Variants in PLCL2 observed in about 807,000 individuals in gnomAD.
PLCL2 encodes inactive phospholipase C-like protein 2.
Under a neutral mutation model 79.6 loss-of-function variants are expected in PLCL2, and 4 were observed. That is an observed-to-expected ratio of 0.05 (90% confidence interval 0.02 to 0.11). PLCL2 has a LOEUF of 0.11. PLCL2 is among the 10% of genes least tolerant of loss of function. The pLI, the probability that PLCL2 is intolerant of heterozygous loss-of-function variation, is 1.00. For missense variants in PLCL2, 895 were observed against 1,291.0 expected, an observed-to-expected ratio of 0.69 and a Z score of 4.70; for synonymous variants, 484 against 457.7, an observed-to-expected ratio of 1.06 and a Z score of -0.73.
chr3:17,072,721 G>T (rs1436071134), intron 5 of PLCL2, among the ~76,000 whole-genome samples: 1 of 150,610 alleles, frequency 6.6e-6, no homozygotes, highest in Non-Finnish European at 1.5e-5. Flanking sequence ...TTACTAGATA[G>T]ATCATATTGT....
intron 3 of PLCL2, among the ~76,000 whole-genome samples, chr3:17,028,825 C>G (rs6796352): frequency 0.18 from 27,515 of 152,010 alleles, 3,043 homozygotes; most frequent in East Asian, 0.54. Context: ...GCCCATGTGT[C>G]CTATGCAACA....
intron 5 of PLCL2, among the ~76,000 whole-genome samples, chr3:17,082,433 G>T (rs1228243766): frequency 2.0e-5 from 3 of 152,010 alleles, no homozygotes; most frequent in Non-Finnish European, 4.4e-5. Context: ...CGCCTGGCCA[G>T]AATTGTTCTT....
At chr3:16,897,093 G>A (rs1438120832) in intron 1 of PLCL2, among the ~76,000 whole-genome samples, 1 of 152,154 alleles carries the variant, frequency 6.6e-6, no homozygotes, top group Non-Finnish European at 1.5e-5. Flanking sequence ...GGCTGGTGGG[G>A]TGTAGGGGGC....
chr3:17,007,271 G>C (rs1404708225), intron 1 of PLCL2, among the ~76,000 whole-genome samples: 1 of 152,056 alleles, frequency 6.6e-6, no homozygotes, highest in African/African-American at 2.4e-5. Flanking sequence ...GGCTAACATG[G>C]TGAAACCCCG....
intron 1 of PLCL2, among the ~76,000 whole-genome samples, chr3:16,894,100 A>G (rs1041983571): frequency 6.6e-6 from 1 of 152,186 alleles, no homozygotes; most frequent in African/African-American, 2.4e-5. Flanking sequence ...GACTCTCTCC[A>G]TATGGTTTCC....
intron 4 of PLCL2, among the ~76,000 whole-genome samples, chr3:17,059,494 ATG>A (rs1453467477): frequency 2.1e-5 from 3 of 143,092 alleles, no homozygotes; most frequent in African/African-American, 5.3e-5. Flanking sequence ...ATGAGTGTAT[ATG>A]TGTGTATATA....
intron 4 of PLCL2, among the ~76,000 whole-genome samples, chr3:17,052,018 A>T (rs1262673553): frequency 6.6e-6 from 1 of 152,112 alleles, no homozygotes; most frequent in African/African-American, 2.4e-5. Context: ...TATGGAAAGG[A>T]TTATTAATGC....
Position 16,933,167 on chromosome 3 carries a change from C to T in PLCL2, c.327+47801C>T, listed in dbSNP as rs985869860. ...CTCAGGAAATTTGAGTGAAGGACTGCAAAAGAGGAGCAAAGCAGACCCGAG... is the reference window on the plus strand; with the variant it reads ...CTCAGGAAATTTGAGTGAAGGACTGTAAAAGAGGAGCAAAGCAGACCCGAG... On this transcript the variant is annotated intron_variant, in intron 1 of 5. Coordinates refer to ENST00000615277, the MANE Select transcript of PLCL2 (RefSeq NM_001144382.2). 4 of 154,808 alleles carry T rather than the reference C, an allele frequency of 2.6e-5. No homozygotes were observed. In the East Asian group the frequency reaches 5.8e-4, roughly 22 times the overall value. 9.6% of individuals were successfully genotyped at this position (154,808 alleles called of 1,614,324 possible).
At chr3:16,990,980 G>A (rs550307685) in intron 1 of PLCL2, among the ~76,000 whole-genome samples, 1 of 152,300 alleles carries the variant, frequency 6.6e-6, no homozygotes, top group South Asian at 2.1e-4. Context: ...CAGGTGATGG[G>A]GCTTTGGGAA....
Position 16,886,994 on chromosome 3 carries a change from G to A in PLCL2, c.327+1628G>A, listed in dbSNP as rs1195240873. ...ATCAAACTTTATTAGTGTCCATAGT[G>A]AGATTCATAGTGTAACTTACTGAAT... On this transcript the variant is annotated intron_variant, in intron 1 of 5. Coordinates refer to ENST00000615277, the MANE Select transcript of PLCL2 (RefSeq NM_001144382.2). This position sits in a 1 kb window ranked among gnomAD's most constrained non-coding sequence, Gnocchi z 4.2. 1.3e-5 allele frequency among the ~76,000 whole-genome samples: 2 copies of A among 152,176 alleles called. No homozygotes were observed. The highest frequency in any genetic ancestry group is 6.5e-5 in the Admixed American group (1 of 15,280).
In PLCL2 at chr3:16,904,281, C is replaced by G. The variant is rs147140799; in HGVS notation, c.327+18915C>G. Among the ~76,000 whole-genome samples, 16 of 145,084 alleles carry G rather than the reference C, an allele frequency of 1.1e-4. No homozygotes were observed. In the East Asian group the frequency reaches 3.1e-3, roughly 28 times the overall value. On this transcript the variant is annotated intron_variant, in intron 1 of 5. Coordinates refer to ENST00000615277, the MANE Select transcript of PLCL2 (RefSeq NM_001144382.2). The stretch of plus-strand genomic sequence containing the variant: ...CAGAGTCAGAAACATGAATTTCACT[C>G]CTTAACCTTTTCAAGAGATCTTGAC...
intron 1 of PLCL2, among the ~76,000 whole-genome samples, chr3:16,899,078 G>A (rs1028919285): frequency 6.6e-6 from 1 of 152,226 alleles, no homozygotes; most frequent in African/African-American, 2.4e-5. Flanking sequence ...ACAAGGAAAG[G>A]TACAGTAAGC....
intron 3 of PLCL2, among the ~76,000 whole-genome samples, chr3:17,039,136 A>G (rs1194301597): frequency 1.3e-5 from 2 of 152,246 alleles, no homozygotes; most frequent in Non-Finnish European, 2.9e-5. Context: ...GATGCATTCA[A>G]CCAACACTTG....
At chr3:17,006,156 G>A (rs1275272776) in intron 1 of PLCL2, among the ~76,000 whole-genome samples, 2 of 152,156 alleles carry the variant, frequency 1.3e-5, no homozygotes. Context: ...GCATTACAAG[G>A]CAGCATAAAC....
At chr3:16,976,626 A>G (rs1037138275) in intron 1 of PLCL2, among the ~76,000 whole-genome samples, 2 of 152,206 alleles carry the variant, frequency 1.3e-5, no homozygotes, top group African/African-American at 2.4e-5. Flanking sequence ...TAGCCTAGCC[A>G]AGGTGACACG....
intron 5 of PLCL2, among the ~76,000 whole-genome samples, chr3:17,086,075 G>A (rs1256776518): frequency 6.6e-6 from 1 of 152,146 alleles, no homozygotes; most frequent in African/African-American, 2.4e-5. Flanking sequence ...TTATTTTGTG[G>A]AAATTGACAA....
chr3:17,025,025 C>T (rs569655733), intron 3 of PLCL2, among the ~76,000 whole-genome samples: 3 of 152,274 alleles, frequency 2.0e-5, no homozygotes, highest in South Asian at 2.1e-4. Flanking sequence ...TTGGAGGGCA[C>T]GGGATATACA....
At chr3:16,980,570 G>C (rs1408486393) in intron 1 of PLCL2, among the ~76,000 whole-genome samples, 6 of 151,480 alleles carry the variant, frequency 4.0e-5, no homozygotes, top group Non-Finnish European at 8.8e-5. Flanking sequence ...TCACTTCCCA[G>C]ATGTGATGGC....
intron 1 of PLCL2, among the ~76,000 whole-genome samples, chr3:16,948,755 T>A (rs1469164051): frequency 6.6e-6 from 1 of 152,220 alleles, no homozygotes; most frequent in East Asian, 1.9e-4. Flanking sequence ...TTCCATTAAT[T>A]TGAAAATATC....
Sources: gnomAD v4.1 joint callset for allele counts (sites outside exome capture counted in the v4.1 genomes callset) on GRCh38, gnomAD v4.1.1 for gene constraint, Gnocchi (gnomAD v3.1) non-coding constraint, MANE v1.5 for transcripts, NCBI Gene and HGNC (gene_info 2026-07-23, HGNC 2026-07-21) for gene names.